Variants in FOXO3 observed in about 807,000 individuals in gnomAD.
The protein encoded by FOXO3 is forkhead box protein O3.
Under a neutral mutation model 41.9 loss-of-function variants are expected in FOXO3, and 4 were observed. That is an observed-to-expected ratio of 0.10 (90% CI 0.05 to 0.22). The LOEUF (loss-of-function observed/expected upper bound fraction) is 0.22. Among genes scored for constraint, FOXO3 ranks in the 10% least tolerant of loss-of-function variants. The pLI, the probability that FOXO3 is intolerant of heterozygous loss-of-function variation, is 1.00. For synonymous variants in FOXO3, 318 were observed against 389.3 expected (o/e 0.82, Z 2.16); for missense variants, 534 against 906.8 (o/e 0.59, Z 5.28).
intron 1 of FOXO3, among the ~76,000 whole-genome samples, chr6:108,610,059 AAG>A (rs777712733): frequency 1.3e-5 from 2 of 152,112 alleles, no homozygotes; most frequent in Non-Finnish European, 2.9e-5. Flanking sequence ...TGGCTGCAGT[AAG>A]AGATTTTTTT....
chr6:108,635,565 A>T (rs748710134), intron 1 of FOXO3, among the ~76,000 whole-genome samples: 55 of 152,182 alleles, frequency 3.6e-4, no homozygotes, highest in Non-Finnish European at 1.9e-4. Context: ...AAATGTCATG[A>T]TTCTATAACA....
chr6:108,622,840 G>T (rs777262375), intron 1 of FOXO3, among the ~76,000 whole-genome samples: 12 of 151,838 alleles, frequency 7.9e-5, no homozygotes, highest in Non-Finnish European at 1.6e-4. Context: ...ATGTCTGCAA[G>T]AGAGCCGGGC....
In FOXO3 at chr6:108,560,984, G is replaced by A; in HGVS notation, c.-225G>A. On this transcript the variant is annotated 5_prime_UTR_variant, in exon 1 of 3. Coordinates refer to ENST00000406360, the MANE Select transcript of FOXO3 (RefSeq NM_001455.4). ...CCTCCTGTTCCTGGGAGGCGGGCGC[G>A]GCAGGACTGGGAGGTGGCGGCAGCG... is the stretch of plus-strand genomic sequence containing the variant. 2 of 1,348,752 alleles carry A rather than the reference G, an allele frequency of 1.5e-6. No homozygotes were observed. Among genetic ancestry groups the A allele is most frequent in the Non-Finnish European group, 1.9e-6 (2 of 1,060,816 alleles). The allele number at this position is 1,348,752 out of a possible 1,614,324, so 83.5% of individuals were successfully genotyped here.
chr6:108,618,140 C>T, intron 1 of FOXO3: 2 of 962,010 alleles, frequency 2.1e-6, no homozygotes, highest in East Asian at 4.8e-5. Context: ...CAATCCCTGT[C>T]ATTCACAATA....
intron 1 of FOXO3, among the ~76,000 whole-genome samples, chr6:108,606,194 C>G (rs551075142): frequency 1.3e-5 from 2 of 152,310 alleles, no homozygotes; most frequent in East Asian, 3.9e-4. Context: ...AGAACCTCTT[C>G]CCTGTTGTAA....
intron 1 of FOXO3, among the ~76,000 whole-genome samples, chr6:108,660,437 T>TTGTAGAAATGCCAACTTATGACCCA (rs1205728959): frequency 2.0e-4 from 30 of 152,242 alleles, no homozygotes; most frequent in Admixed American, 1.8e-3. Flanking sequence ...TCAAACGCAG[T>TTGTAGAAATGCCAACTTATGACCCA]TGTAGAAATG....
intron 1 of FOXO3, among the ~76,000 whole-genome samples, chr6:108,598,270 T>C (rs1776943953): frequency 6.6e-6 from 1 of 152,162 alleles, no homozygotes. Context: ...CTTTGTAGAA[T>C]TTGTTCCTTG....
At chr6:108,622,355 T>C (rs1173521010) in intron 1 of FOXO3, among the ~76,000 whole-genome samples, 1 of 151,910 alleles carries the variant, frequency 6.6e-6, no homozygotes, top group Non-Finnish European at 1.5e-5. Flanking sequence ...TATCTTGCTT[T>C]GTACCTGAGA....
At chr6:108,604,711 G>GT (rs893701988) in intron 1 of FOXO3, among the ~76,000 whole-genome samples, 48 of 149,308 alleles carry the variant, frequency 3.2e-4, no homozygotes, top group African/African-American at 7.8e-4. Context: ...TGAAGGTTGG[G>GT]TTTTTTTTTT....
chr6:108,644,255 T>C (rs1778336162), intron 1 of FOXO3, among the ~76,000 whole-genome samples: 1 of 152,236 alleles, frequency 6.6e-6, no homozygotes, highest in Admixed American at 6.5e-5. Flanking sequence ...ATGGGGACCA[T>C]ATTGTCCTCA....
At chr6:108,644,634 C>T (rs1778346682) in intron 1 of FOXO3, among the ~76,000 whole-genome samples, 1 of 152,152 alleles carries the variant, frequency 6.6e-6, no homozygotes, top group South Asian at 2.1e-4. Context: ...TTGCATGACT[C>T]CCATGAGAAA....
At chr6:108,657,179 C>T (rs955056847) in intron 1 of FOXO3, among the ~76,000 whole-genome samples, 6 of 152,196 alleles carry the variant, frequency 3.9e-5, no homozygotes, top group African/African-American at 1.4e-4. Context: ...AAAGAGTATT[C>T]TTACCACTGC....
chr6:108,646,376 C>A (rs1778393695), intron 1 of FOXO3, among the ~76,000 whole-genome samples: 1 of 152,330 alleles, frequency 6.6e-6, no homozygotes, highest in South Asian at 2.1e-4. Context: ...GTCTGTTCTA[C>A]TAAGTCAAAG....
intron 2 of FOXO3, among the ~76,000 whole-genome samples, chr6:108,666,458 C>T (rs1779063958): frequency 6.6e-6 from 1 of 151,884 alleles, no homozygotes; most frequent in African/African-American, 2.4e-5. Flanking sequence ...GCCTCAGCCT[C>T]CTGAGTAGCT....
At chr6:108,663,362 A>AAT in intron 1 of FOXO3, 93 bp from the exon 2 acceptor site, 1 of 1,498,084 alleles carries the variant, frequency 6.7e-7, no homozygotes, top group South Asian at 1.4e-5. Flanking sequence ...AATAAAATAA[A>AAT]AAATGAATGA....
At chr6:108,585,542 G>A (rs188458437) in intron 1 of FOXO3, among the ~76,000 whole-genome samples, 271 of 152,290 alleles carry the variant, frequency 1.8e-3, no homozygotes, top group Admixed American at 4.6e-3. Context: ...TGGCAGGGAG[G>A]CCATGGCTCC....
chr6:108,581,552 A>C (rs555136310), intron 1 of FOXO3, among the ~76,000 whole-genome samples: 2 of 152,248 alleles, frequency 1.3e-5, no homozygotes, highest in South Asian at 4.1e-4. Context: ...ATTTACTTTC[A>C]GTTTCAGTCA....
At position 108,561,917 on chromosome 6, in the gene FOXO3, C is replaced by T. The variant is rs537970190; in HGVS notation, c.621+88C>T. ...TCTCGGATTCGTCGGAGTGCGCTTG[C>T]GGGCTCCAGGGCAAGGGGTTGGCAG... is the stretch of plus-strand genomic sequence containing the variant. On this transcript the variant is annotated intron_variant, in intron 1 of 2. Coordinates refer to ENST00000406360, the MANE Select transcript of FOXO3 (RefSeq NM_001455.4). 3 of 1,464,916 alleles carry T rather than the reference C, an allele frequency of 2.0e-6. No individual in the cohort carries two copies. The South Asian group carries it at 4.2e-5, about 21-fold the overall frequency. 90.7% of individuals were successfully genotyped at this position (1,464,916 alleles called of 1,614,324 possible). A position where few individuals can be genotyped will look rare whatever the true frequency, so the allele number is the denominator to read the frequency against.
Position 108,663,767 on chromosome 6 carries a change from C to T in FOXO3, c.934C>T (p.Arg312Cys), listed in dbSNP as rs1349431368. The T allele has an allele frequency of 4.3e-6, 7 of 1,613,830 alleles. No homozygotes were observed. Among genetic ancestry groups the T allele is most frequent in the South Asian group, 2.2e-5 (2 of 91,062 alleles). ...ELDAWTDFRS[R>C]TNSNASTVSG... The stretch of plus-strand genomic sequence containing the variant: ...GGATGCGTGGACGGACTTCCGTTCA[C>T]GCACCAATTCTAACGCCAGCACAGT... Residue 312 changes from arginine (R) to cysteine (C), a missense_variant, in exon 2 of 3, where the codon CGC (arginine) becomes TGC (cysteine). Transcript: ENST00000406360.
Sources: allele counts gnomAD v4.1 joint callset (sites outside exome capture counted in the v4.1 genomes callset), GRCh38; gene constraint gnomAD v4.1.1; transcripts MANE v1.5; gene names NCBI Gene and HGNC (gene_info 2026-07-23, HGNC 2026-07-21).